The following WWP1 variants were observed in gnomAD, a reference collection of about 807,000 sequenced individuals.
WWP1 encodes WW domain containing E3 ubiquitin protein ligase 1, also known as NEDD4-like E3 ubiquitin-protein ligase WWP1.
WWP1 carries 49 observed loss-of-function variants against 130.6 expected under a neutral mutation model. That is an observed-to-expected ratio of 0.38 (90% CI 0.30 to 0.48). The LOEUF (loss-of-function observed/expected upper bound fraction) is 0.48. WWP1 is among the 20% of genes least tolerant of loss of function. The pLI is 0.99. For missense variants in WWP1, 809 were observed against 1,100.6 expected, an observed-to-expected ratio of 0.74 and a Z score of 3.75; for synonymous variants, 332 against 367.8, an observed-to-expected ratio of 0.90 and a Z score of 1.11.
chr8:86,361,608 T>G (rs1376778103), intron 1 of WWP1, among the ~76,000 whole-genome samples: 1 of 152,164 alleles, frequency 6.6e-6, no homozygotes, highest in Non-Finnish European at 1.5e-5. Context: ...TTAACCTGCT[T>G]ATGTTAGTCA....
chr8:86,390,553 G>T (rs1001986279), intron 5 of WWP1, among the ~76,000 whole-genome samples: 1 of 152,174 alleles, frequency 6.6e-6, no homozygotes, highest in African/African-American at 2.4e-5. Flanking sequence ...AACCAGTCAG[G>T]CGTGGCAGCG....
chr8:86,440,547 T>C (rs943573453), intron 17 of WWP1: 3 of 353,610 alleles, frequency 8.5e-6, no homozygotes, highest in Admixed American at 3.7e-5. Context: ...AGAACCTTAT[T>C]TTTCCTCTGG....
chr8:86,431,080 G>GAT (rs35869673), intron 12 of WWP1, among the ~76,000 whole-genome samples: 5 of 133,002 alleles, frequency 3.8e-5, no homozygotes, highest in South Asian at 2.3e-4. Flanking sequence ...TATTATAAGG[G>GAT]ATATATATAT....
At chr8:86,372,356 C>T (rs4443643) in intron 2 of WWP1, among the ~76,000 whole-genome samples, 8,268 of 152,212 alleles carry the variant, frequency 0.054, 378 homozygotes, top group African/African-American at 0.12. Context: ...GACAGGTTTT[C>T]GCCGTGTTGG....
chr8:86,409,562 A>G (rs1266567278), intron 8 of WWP1, among the ~76,000 whole-genome samples: 1 of 150,296 alleles, frequency 6.7e-6, no homozygotes. Context: ...TGATCTTAAT[A>G]GAAGTTCTTA....
At chr8:86,458,762 C>G (rs968868078) in intron 22 of WWP1, among the ~76,000 whole-genome samples, 1 of 152,044 alleles carries the variant, frequency 6.6e-6, no homozygotes, top group Non-Finnish European at 1.5e-5. Context: ...AAAGTTGCAT[C>G]TTTTCATAAG....
At chr8:86,376,361 G>C (rs1300112748) in intron 3 of WWP1, among the ~76,000 whole-genome samples, 1 of 152,156 alleles carries the variant, frequency 6.6e-6, no homozygotes, top group African/African-American at 2.4e-5. Flanking sequence ...GTGAGGCCAG[G>C]AGTTTGTGAC....
At chr8:86,393,269 C>A (rs1415079708) in intron 5 of WWP1, among the ~76,000 whole-genome samples, 1 of 152,076 alleles carries the variant, frequency 6.6e-6, no homozygotes, top group South Asian at 2.1e-4. Flanking sequence ...TGCACTGGCA[C>A]GATCTCGGCT....
chr8:86,460,752 T>G (rs1360812553), intron 22 of WWP1, among the ~76,000 whole-genome samples: 1 of 144,584 alleles, frequency 6.9e-6, no homozygotes, highest in Non-Finnish European at 1.5e-5. Context: ...TGCCCAACCT[T>G]AATAAATGAC....
chr8:86,457,802 C>G lies in WWP1; in HGVS notation c.2395-119C>G, dbSNP rs1217091554. 3.1e-5 allele frequency: 23 copies of G among 737,296 alleles called. No homozygotes were observed. The East Asian group carries it at 6.0e-4, about 19-fold the overall frequency. 45.7% of individuals were successfully genotyped at this position (737,296 alleles called of 1,614,324 possible). On this transcript the variant is annotated intron_variant, in intron 21 of 24. Transcript: ENST00000517970. ...TTTGCTTATTGTGATCATTATATGC[C>G]ATGCATATAGCTTTTCACATAATTT...
At chr8:86,391,947 C>T (rs1196648513) in intron 5 of WWP1, among the ~76,000 whole-genome samples, 2 of 152,126 alleles carry the variant, frequency 1.3e-5, no homozygotes, top group South Asian at 2.1e-4. Context: ...CATTGTAAGC[C>T]GTTTTTAGTA....
At chr8:86,434,548 A>G (rs1393810444) in intron 14 of WWP1, among the ~76,000 whole-genome samples, 1 of 152,168 alleles carries the variant, frequency 6.6e-6, no homozygotes, top group Non-Finnish European at 1.5e-5. Flanking sequence ...TGCTTCTCAT[A>G]TCACTCCTTA....
chr8:86,401,313 C>T (rs1807965334), intron 7 of WWP1, among the ~76,000 whole-genome samples: 1 of 151,998 alleles, frequency 6.6e-6, no homozygotes. Flanking sequence ...ATAATCCCAG[C>T]ACTTTGGGGG....
intron 9 of WWP1, among the ~76,000 whole-genome samples, chr8:86,414,358 A>G (rs529506514): frequency 6.6e-6 from 1 of 152,280 alleles, no homozygotes; most frequent in South Asian, 2.1e-4. Flanking sequence ...AAAAAAGTTT[A>G]AAAGCCACTA....
intron 8 of WWP1, among the ~76,000 whole-genome samples, chr8:86,408,096 C>T (rs1370556191): frequency 6.6e-6 from 1 of 152,136 alleles, no homozygotes; most frequent in African/African-American, 2.4e-5. Context: ...TAAATACTGG[C>T]TCTATAGTTT....
chr8:86,370,783 T>C (rs1203524077), intron 2 of WWP1, among the ~76,000 whole-genome samples: 1 of 151,838 alleles, frequency 6.6e-6, no homozygotes, highest in African/African-American at 2.4e-5. Flanking sequence ...AACTCATCTG[T>C]CTTTTTTCTT....
At chr8:86,357,176 G>T (rs1051325471) in intron 1 of WWP1, among the ~76,000 whole-genome samples, 13 of 152,120 alleles carry the variant, frequency 8.5e-5, no homozygotes, top group Non-Finnish European at 1.5e-4. Flanking sequence ...TTATCAATAT[G>T]TTCTATGTTC....
At chr8:86,386,463 G>A (rs963806502) in intron 5 of WWP1, among the ~76,000 whole-genome samples, 4 of 81,030 alleles carry the variant, frequency 4.9e-5, no homozygotes, top group East Asian at 4.3e-4. Flanking sequence ...TTTCCTCCTC[G>A]TTCTTCTTTT....
chr8:86,429,827 G>T (rs1252605579), intron 11 of WWP1, among the ~76,000 whole-genome samples: 1 of 152,116 alleles, frequency 6.6e-6, no homozygotes, highest in Non-Finnish European at 1.5e-5. Context: ...TGATGCCAGT[G>T]TATTATTTTT....
Sources: gnomAD v4.1 joint callset for allele counts (sites outside exome capture counted in the v4.1 genomes callset) on GRCh38, gnomAD v4.1.1 for gene constraint, MANE v1.5 for transcripts, NCBI Gene and HGNC (gene_info 2026-07-23, HGNC 2026-07-21) for gene names.